The following FREM3 variants were observed in gnomAD, a reference collection of about 807,000 sequenced individuals.
FREM3 encodes FRAS1-related extracellular matrix protein 3.
Under a neutral mutation model 129.1 loss-of-function variants are expected in FREM3, and 105 were observed. That is an observed-to-expected ratio of 0.81 (90% confidence interval 0.69 to 0.96). FREM3 has a LOEUF of 0.96. FREM3 is among the 40% of genes least tolerant of loss of function. FREM3 has a pLI of 0.00. For synonymous variants in FREM3, 1,014 were observed against 1,044.9 expected (o/e 0.97, Z 0.57); for missense variants, 2,593 against 2,666.3 (o/e 0.97, Z 0.61).
chr4:143,614,631 T>C (rs79155600), intron 5 of FREM3, among the ~76,000 whole-genome samples: 3,513 of 152,282 alleles, frequency 0.023, 132 homozygotes, highest in African/African-American at 0.08. Context: ...GCATGATGAA[T>C]GACAGTTTTA....
At chr4:143,675,067 C>T (rs1049297226) in intron 2 of FREM3, among the ~76,000 whole-genome samples, 1 of 152,164 alleles carries the variant, frequency 6.6e-6, no homozygotes, top group Admixed American at 6.5e-5. Context: ...AACTCTCCAC[C>T]CCAAATCAAC....
At chr4:143,653,130 A>T (rs1241914573) in intron 2 of FREM3, among the ~76,000 whole-genome samples, 5 of 152,218 alleles carry the variant, frequency 3.3e-5, no homozygotes, top group African/African-American at 1.2e-4. Flanking sequence ...TTGTATTGCC[A>T]TGTAAAAATT....
chr4:143,652,655 CAG>C (rs1459857362), intron 2 of FREM3, among the ~76,000 whole-genome samples: 6 of 152,298 alleles, frequency 3.9e-5, no homozygotes, highest in Admixed American at 2.0e-4. Flanking sequence ...TTTCTTCAGA[CAG>C]AGTCTGGCTC....
intron 2 of FREM3, among the ~76,000 whole-genome samples, chr4:143,691,126 A>C (rs1740459748): frequency 1.3e-5 from 2 of 152,228 alleles, no homozygotes; most frequent in Admixed American, 1.3e-4. Context: ...ATGTTTAATT[A>C]GTTTATGTAT....
At chr4:143,676,496 C>G (rs1193086969) in intron 2 of FREM3, among the ~76,000 whole-genome samples, 4 of 151,662 alleles carry the variant, frequency 2.6e-5, no homozygotes, top group Non-Finnish European at 5.9e-5. Flanking sequence ...CAGGGATGCC[C>G]TCTCTCACCA....
intron 2 of FREM3, among the ~76,000 whole-genome samples, chr4:143,637,256 G>C (rs1478616931): frequency 6.6e-6 from 1 of 152,012 alleles, no homozygotes; most frequent in African/African-American, 2.4e-5. Flanking sequence ...AAATATAATG[G>C]TCTTTTTTTC....
At chr4:143,609,461 G>A (rs1560843306) in intron 6 of FREM3, among the ~76,000 whole-genome samples, 4 of 150,838 alleles carry the variant, frequency 2.7e-5, no homozygotes, top group Admixed American at 6.6e-5. Flanking sequence ...ATACTGTGAA[G>A]TGGACTATGT....
At chr4:143,614,452 G>C (rs954863827) in intron 5 of FREM3, among the ~76,000 whole-genome samples, 3 of 152,180 alleles carry the variant, frequency 2.0e-5, no homozygotes, top group Non-Finnish European at 4.4e-5. Context: ...TACATATCCC[G>C]TATTTTACAG....
Position 143,697,507 on chromosome 4 carries a change from G to C in FREM3, c.3169C>G (p.Gln1057Glu). Residue 1057 changes from glutamine (Q) to glutamate (E), a missense_variant, in exon 1 of 8, where the codon CAG becomes GAG. Gln to Glu is a conservative substitution (Grantham distance 29, BLOSUM62 2). This residue lies in a region of FREM3 where 2,276 missense variants were observed against 2,267.2 expected (regional missense o/e 1.00). Transcript: ENST00000329798. ...VVGNSIIEKVQVQVTVLPVDN... is the reference protein window; with the variant it reads ...VVGNSIIEKVEVQVTVLPVDN... Reference sequence around the variant, plus strand: ...ACAGGCAGCACAGTTACTTGTACCTGTACTTTCTCTATTATGCTATTCCCC... The same window carrying C: ...ACAGGCAGCACAGTTACTTGTACCTCTACTTTCTCTATTATGCTATTCCCC... The C allele has an allele frequency of 6.5e-7, 1 of 1,537,278 alleles. No homozygotes were observed. Among genetic ancestry groups the C allele is most frequent in the South Asian group, 1.2e-5 (1 of 84,066 alleles).
intron 6 of FREM3, among the ~76,000 whole-genome samples, chr4:143,608,379 A>G (rs758332627): frequency 1.6e-4 from 24 of 152,248 alleles, no homozygotes; most frequent in Middle Eastern, 3.4e-3. Context: ...GAGCATACCA[A>G]CAAAGTCATA....
chr4:143,581,448 G>C (rs947681246), intron 7 of FREM3, among the ~76,000 whole-genome samples: 10 of 152,046 alleles, frequency 6.6e-5, no homozygotes, highest in African/African-American at 1.4e-4. Context: ...AGCCTCTACT[G>C]TTCACCAGGC....
In FREM3 at chr4:143,585,647, A is replaced by G. The variant is rs1738227632; in HGVS notation, c.6178+197T>C. The stretch of plus-strand genomic sequence containing the variant: ...CCAGTGGGTAATAAATGAATCATAA[A>G]GGCTGCTGTTTGAATAATGTACTTA... On this transcript the variant is annotated intron_variant, in intron 7 of 7. Transcript: ENST00000329798. The surrounding 1 kb of genome is among the most constrained non-coding windows in gnomAD (Gnocchi z 4.2). 6.6e-6 allele frequency among the ~76,000 whole-genome samples: 1 copy of G among 152,228 alleles called. No individual in the cohort carries two copies. Among genetic ancestry groups the G allele is most frequent in the Non-Finnish European group, 1.5e-5 (1 of 68,034 alleles).
At chr4:143,597,579 T>C (rs996502263) in intron 6 of FREM3, among the ~76,000 whole-genome samples, 4 of 152,188 alleles carry the variant, frequency 2.6e-5, no homozygotes, top group Non-Finnish European at 5.9e-5. Context: ...AGTTGCAAAA[T>C]ACAAATCAAC....
rs935828322 is a variant in FREM3 at position 143,688,458 on chromosome 4, T to TTCAA, written c.5275+4654_5275+4655insTTGA. Reference sequence around the variant, plus strand: ...AAAATGACCATACTGCCAAAAGCAATCTACAAATTCAATGCAATTCCCATC... The same window carrying TTCAA: ...AAAATGACCATACTGCCAAAAGCAATTCAACTACAAATTCAATGCAATTCCCATC... On this transcript the variant is annotated intron_variant, in intron 2 of 7. Transcript: ENST00000329798. Among the ~76,000 whole-genome samples, 2 of 152,036 alleles carry TTCAA rather than the reference T, an allele frequency of 1.3e-5. 1 individual carries two copies. The highest frequency in any genetic ancestry group is 4.8e-5 in the African/African-American group (2 of 41,368).
At chr4:143,659,136 G>A (rs1214630522) in intron 2 of FREM3, among the ~76,000 whole-genome samples, 3 of 147,340 alleles carry the variant, frequency 2.0e-5, no homozygotes, top group Admixed American at 6.8e-5. Flanking sequence ...TAAGGTACAT[G>A]TGCACAATGT....
chr4:143,621,574 C>T (rs185438774), intron 4 of FREM3, among the ~76,000 whole-genome samples: 4 of 152,284 alleles, frequency 2.6e-5, no homozygotes, highest in Admixed American at 2.6e-4. Flanking sequence ...TGTTTTCATG[C>T]TTCATTCAAC....
At chr4:143,628,019 G>T (rs1047330318) in intron 2 of FREM3, among the ~76,000 whole-genome samples, 3 of 152,040 alleles carry the variant, frequency 2.0e-5, no homozygotes, top group African/African-American at 4.8e-5. Flanking sequence ...GTGCATCAGG[G>T]TTCCAAAGAG....
intron 6 of FREM3, among the ~76,000 whole-genome samples, chr4:143,607,355 T>C (rs1874673): frequency 0.88 from 133,153 of 152,148 alleles, 60,656 homozygotes; most frequent in Non-Finnish European, 1. Context: ...ACAGCACAAA[T>C]GGTACTTTTT....
At position 143,606,950 on chromosome 4, in the gene FREM3, C is replaced by T. The variant is rs531405294; in HGVS notation, c.6028+4329G>A. Among the ~76,000 whole-genome samples, 35 of 152,100 alleles carry T rather than the reference C, an allele frequency of 2.3e-4. No homozygotes were observed. The South Asian group carries it at 6.2e-3, about 27-fold the overall frequency. ...TTTACCAGAAAAATTTTCTTAAGTTCGAACCTGAGTTGCAATGGCTGAAAG... is the reference window on the plus strand; with the variant it reads ...TTTACCAGAAAAATTTTCTTAAGTTTGAACCTGAGTTGCAATGGCTGAAAG... On this transcript the variant is annotated intron_variant, in intron 6 of 7. Coordinates refer to ENST00000329798, the MANE Select transcript of FREM3 (RefSeq NM_001168235.2).
Sources: gnomAD v4.1 joint callset for allele counts (sites outside exome capture counted in the v4.1 genomes callset) on GRCh38, gnomAD v4.1.1 for gene constraint, gnomAD v4.1.1 regional missense constraint, Gnocchi (gnomAD v3.1) non-coding constraint, MANE v1.5 for transcripts, NCBI Gene and HGNC (gene_info 2026-07-23, HGNC 2026-07-21) for gene names.